ZNF587B: variants seen among roughly 807,000 people sequenced by gnomAD.
ZNF587B encodes zinc finger protein 587B.
ZNF587B carries 6 observed loss-of-function variants against 7.2 expected under a neutral mutation model. That is an observed-to-expected ratio of 0.83 (90% CI 0.46 to 1.65). The LOEUF (loss-of-function observed/expected upper bound fraction) is 1.65. ZNF587B is among the 40% of genes most tolerant of loss of function. The pLI is 0.01. For synonymous variants in ZNF587B, 274 were observed against 254.3 expected (o/e 1.08, Z -0.74); for missense variants, 749 against 761.0 (o/e 0.98, Z 0.19).
In ZNF587B at chr19:57,845,094, A is replaced by G. The variant is rs1334674697; in HGVS notation, c.*2518A>G. The G allele has an allele frequency of 6.6e-6, 1 of 151,726 alleles. No individual in the cohort carries two copies. Among genetic ancestry groups the G allele is most frequent in the East Asian group, 1.9e-4 (1 of 5,174 alleles). 9.4% of individuals were successfully genotyped at this position (151,726 alleles called of 1,614,324 possible). On this transcript the variant is annotated 3_prime_UTR_variant, in exon 3 of 3. Transcript: ENST00000594901. ...TGGGTTCAAGCGATTCTCCCACCTC[A>G]GTCACCCAAGTAGCTAGAATTACAG...
rs1988877065 is a variant in ZNF587B at position 57,841,955 on chromosome 19, T to A, written c.1281T>A (p.Ser427Arg). The A allele has an allele frequency of 1.9e-6, 3 of 1,611,950 alleles. No homozygotes were observed. In the African/African-American group the frequency reaches 4.0e-5, roughly 22 times the overall value. ...KSFNEKGHLR[S>R]HQRVHTTERP... ...TTAATGAAAAAGGACACCTTAGGAG[T>A]CATCAGCGAGTTCACACTACAGAAA... The change falls in exon 3 of 3, where the codon AGT becomes AGA. Residue 427 changes from serine (S) to arginine (R), a missense_variant. Transcript: ENST00000594901.
chr19:57,831,211 G>C (rs141872733), intron 1 of ZNF587B, among the ~76,000 whole-genome samples: 9,016 of 152,166 alleles, frequency 0.059, 365 homozygotes, highest in Non-Finnish European at 0.085. Flanking sequence ...GAGTCTGTCT[G>C]GCTCTCTTAT....
rs1178538642 is a variant in ZNF587B, at chr19:57,843,792, G to C, written c.*1216G>C. Reference sequence around the variant, plus strand: ...AATTTTTGTACTTTTAGTAGAGATGGGGTTTCACTATGTTGGTCAAACTGA... The same window carrying C: ...AATTTTTGTACTTTTAGTAGAGATGCGGTTTCACTATGTTGGTCAAACTGA... On this transcript the variant is annotated 3_prime_UTR_variant, in exon 3 of 3. Coordinates refer to ENST00000594901, the MANE Select transcript of ZNF587B (RefSeq NM_001376223.1). Among the ~76,000 whole-genome samples, 3 of 151,586 alleles carry C rather than the reference G, an allele frequency of 2.0e-5. No individual in the cohort carries two copies. The highest frequency in any genetic ancestry group is 1.5e-5 in the Non-Finnish European group (1 of 67,904).
Position 57,830,506 on chromosome 19 carries a change from C to A in ZNF587B, c.-23C>A, listed in dbSNP as rs764634383. On this transcript the variant is annotated 5_prime_UTR_variant, in exon 1 of 3. Coordinates refer to ENST00000594901, the MANE Select transcript of ZNF587B (RefSeq NM_001376223.1). Reference sequence around the variant, plus strand: ...TGGCTGGTCACCCTCTCCTCCCAACCCTGCTTTAAACCACGTGGTTCGATG... The same window carrying A: ...TGGCTGGTCACCCTCTCCTCCCAACACTGCTTTAAACCACGTGGTTCGATG... The A allele has an allele frequency of 6.5e-7, 1 of 1,548,962 alleles. No individual in the cohort carries two copies. Among genetic ancestry groups the A allele is most frequent in the African/African-American group, 1.4e-5 (1 of 73,158 alleles).
chr19:57,842,347 C>A lies in ZNF587B; in HGVS notation c.1673C>A (p.Ser558Tyr). 6.2e-7 allele frequency: 1 copy of A among 1,607,036 alleles called. No homozygotes were observed. Among genetic ancestry groups the A allele is most frequent in the East Asian group, 2.2e-5 (1 of 44,842 alleles). ...KPYECSECGK[S>Y]FAASSYLTSH... ...TATGAGTGCAGTGAATGTGGGAAAT[C>A]TTTTGCTGCAAGCTCCTATCTCACT... The change falls in exon 3 of 3, where the codon TCT becomes TAT. Residue 558 changes from serine (S) to tyrosine (Y), a missense_variant. Physicochemically the swap from Ser to Tyr is moderately radical, Grantham distance 144 (BLOSUM62 -2). Coordinates refer to ENST00000594901, the MANE Select transcript of ZNF587B (RefSeq NM_001376223.1).
intron 1 of ZNF587B, among the ~76,000 whole-genome samples, chr19:57,835,992 C>T (rs1296323788): frequency 6.6e-6 from 1 of 151,606 alleles, no homozygotes; most frequent in African/African-American, 2.4e-5. Flanking sequence ...TTGCCTGGGT[C>T]CCTGGCGGAC....
rs1051922820 is a variant in ZNF587B, at chr19:57,830,714, C to T, written c.36+150C>T. The T allele has an allele frequency of 7.3e-6, 6 of 822,984 alleles. No homozygotes were observed. The African/African-American group carries it at 1.1e-4, about 15-fold the overall frequency. 51.0% of individuals were successfully genotyped at this position (822,984 alleles called of 1,614,324 possible). On this transcript the variant is annotated intron_variant, in intron 1 of 2. Transcript: ENST00000594901. ...TGACTGTCAGGACAGCCCTTTTGAG[C>T]TGCTGAAGGCCTAATCTTTTATAGT... is the stretch of plus-strand genomic sequence containing the variant.
intron 1 of ZNF587B, among the ~76,000 whole-genome samples, chr19:57,831,691 G>A (rs536164937): frequency 6.6e-6 from 1 of 151,184 alleles, no homozygotes. Context: ...ACCGAGCCCA[G>A]CTTATTTTAT....
chr19:57,843,712 C>T lies in ZNF587B; in HGVS notation c.*1136C>T. The T allele has an allele frequency of 2.5e-6, 1 of 400,986 alleles. No homozygotes were observed. The highest frequency in any genetic ancestry group is 2.3e-5 in the African/African-American group (1 of 44,204). 24.8% of individuals were successfully genotyped at this position (400,986 alleles called of 1,614,324 possible). On this transcript the variant is annotated 3_prime_UTR_variant, in exon 3 of 3. Transcript: ENST00000594901. ...TGCCTCCTGAGTTCAAGCAATTCTC[C>T]TTTCTCAGCCTCCTGAGTAGCTGGG... is the stretch of plus-strand genomic sequence containing the variant.
chr19:57,837,749 G>GT (rs1162289998), intron 1 of ZNF587B, among the ~76,000 whole-genome samples: 2 of 151,554 alleles, frequency 1.3e-5, no homozygotes, highest in Non-Finnish European at 2.9e-5. Context: ...CCCCGGCCTA[G>GT]TTTTTTTGTA....
Position 57,843,587 on chromosome 19 carries a change from G to GTTTTTTTTTTTTTTTT in ZNF587B, c.*1013_*1014insTTTTTTTTTTTTTTTT, listed in dbSNP as rs1324065807. The GTTTTTTTTTTTTTTTT allele has an allele frequency of 2.2e-4, 164 of 759,772 alleles. 14 individuals are homozygous for GTTTTTTTTTTTTTTTT. The highest frequency in any genetic ancestry group is 7.2e-4 in the African/African-American group (20 of 27,742). The allele number at this position is 759,772 out of a possible 1,614,324, so 47.1% of individuals were successfully genotyped here. ...GTTTGGTTGGTTGGTTGGTTGGTTG[G>GTTTTTTTTTTTTTTTT]TTGTTTTTTTTTGTTTTTTTTTTTT... On this transcript the variant is annotated 3_prime_UTR_variant, in exon 3 of 3. Coordinates refer to ENST00000594901, the MANE Select transcript of ZNF587B (RefSeq NM_001376223.1).
chr19:57,843,291 C>T lies in ZNF587B; in HGVS notation c.*715C>T, dbSNP rs1489860144. The T allele has an allele frequency of 5.1e-6, 5 of 985,320 alleles. No individual in the cohort carries two copies. The highest frequency in any genetic ancestry group is 6.0e-6 in the Non-Finnish European group (5 of 829,874). 61.0% of individuals were successfully genotyped at this position (985,320 alleles called of 1,614,324 possible). The stretch of plus-strand genomic sequence containing the variant: ...GTAGGTTTGAGTCACTGTGCTCAGC[C>T]AATTATGTTTTTCTGTGTAACATGG... On this transcript the variant is annotated 3_prime_UTR_variant, in exon 3 of 3. Coordinates refer to ENST00000594901, the MANE Select transcript of ZNF587B (RefSeq NM_001376223.1).
rs1464393617 is a variant in ZNF587B, at chr19:57,830,511, T to C, written c.-18T>C. 29 of 1,549,108 alleles carry C rather than the reference T, an allele frequency of 1.9e-5. No homozygotes were observed. The highest frequency in any genetic ancestry group is 2.5e-5 in the Non-Finnish European group (29 of 1,147,018). On this transcript the variant is annotated 5_prime_UTR_variant, in exon 1 of 3. Coordinates refer to ENST00000594901, the MANE Select transcript of ZNF587B (RefSeq NM_001376223.1). ...GGTCACCCTCTCCTCCCAACCCTGCTTTAAACCACGTGGTTCGATGGCGGT... is the reference window on the plus strand; with the variant it reads ...GGTCACCCTCTCCTCCCAACCCTGCCTTAAACCACGTGGTTCGATGGCGGT...
In ZNF587B at chr19:57,841,651, A is replaced by G. The variant is rs532430416; in HGVS notation, c.977A>G (p.Tyr326Cys). ...AAAGTTCACGCTGGAAAAGGGCCTT[A>G]TGAGTGTGGAGAATGTGGGAAATCT... ...HQKVHAGKGP[Y>C]ECGECGKSFS... Residue 326 changes from tyrosine to cysteine, a missense_variant, in exon 3 of 3, where the codon TAT becomes TGT. This residue lies in a region of ZNF587B where 656 missense variants were observed against 596.5 expected (regional missense o/e 1.10). Transcript: ENST00000594901. 4 of 1,602,322 alleles carry G rather than the reference A, an allele frequency of 2.5e-6. No individual in the cohort carries two copies. The highest frequency in any genetic ancestry group is 2.2e-5 in the South Asian group (2 of 89,820).
chr19:57,830,518 C>T lies in ZNF587B; in HGVS notation c.-11C>T. ...CTCTCCTCCCAACCCTGCTTTAAACCACGTGGTTCGATGGCGGTGGTGGCC... is the reference window on the plus strand; with the variant it reads ...CTCTCCTCCCAACCCTGCTTTAAACTACGTGGTTCGATGGCGGTGGTGGCC... On this transcript the variant is annotated 5_prime_UTR_variant, in exon 1 of 3. Transcript: ENST00000594901. 1 of 1,549,398 alleles carries T rather than the reference C, an allele frequency of 6.5e-7. No homozygotes were observed. Among genetic ancestry groups the T allele is most frequent in the Non-Finnish European group, 8.7e-7 (1 of 1,147,028 alleles).
Position 57,831,708 on chromosome 19 carries a change from ATTTT to A in ZNF587B, c.36+1155_36+1158del, listed in dbSNP as rs61217870. 5.1e-5 allele frequency among the ~76,000 whole-genome samples: 7 copies of A among 138,062 alleles called. 1 individual carries two copies. In the East Asian group the frequency reaches 8.3e-4, roughly 16 times the overall value. The allele number at this position is 138,062 out of a possible 152,430, so 90.6% of individuals were successfully genotyped here. A position where few individuals can be genotyped will look rare whatever the true frequency, so the allele number is the denominator to read the frequency against. On this transcript the variant is annotated intron_variant, in intron 1 of 2. Transcript: ENST00000594901. The stretch of plus-strand genomic sequence containing the variant: ...CGAGCCCAGCTTATTTTATTTATTT[ATTTT>A]TTTTTTTTTTGAGACAGAGTCTCAG...
At chr19:57,836,838 C>T (rs1245651059) in intron 1 of ZNF587B, among the ~76,000 whole-genome samples, 2 of 151,796 alleles carry the variant, frequency 1.3e-5, no homozygotes, top group Admixed American at 1.3e-4. Flanking sequence ...GTGGTACACT[C>T]ATGTAATCCC....
chr19:57,831,234 C>T (rs926365474), intron 1 of ZNF587B, among the ~76,000 whole-genome samples: 1 of 151,924 alleles, frequency 6.6e-6, no homozygotes, highest in Non-Finnish European at 1.5e-5. Context: ...AAGGGAGAGT[C>T]AATTCAGGTG....
chr19:57,844,180 A>C lies in ZNF587B; in HGVS notation c.*1604A>C, dbSNP rs1988985785. ...CATGGACCTTCCCCATTTTTGTCCC[A>C]GAGGACTCTTGTGCTGACTTGAAAA... is the stretch of plus-strand genomic sequence containing the variant. On this transcript the variant is annotated 3_prime_UTR_variant, in exon 3 of 3. Coordinates refer to ENST00000594901, the MANE Select transcript of ZNF587B (RefSeq NM_001376223.1). The C allele has an allele frequency of 2.5e-6, 1 of 396,668 alleles. No individual in the cohort carries two copies. Among genetic ancestry groups the C allele is most frequent in the Non-Finnish European group, 4.9e-6 (1 of 203,438 alleles). The allele number at this position is 396,668 out of a possible 1,614,324, so 24.6% of individuals were successfully genotyped here. A position where few individuals can be genotyped will look rare whatever the true frequency, so the allele number is the denominator to read the frequency against.
Sources: gnomAD v4.1 joint callset for allele counts (sites outside exome capture counted in the v4.1 genomes callset) on GRCh38, gnomAD v4.1.1 for gene constraint, gnomAD v4.1.1 regional missense constraint, MANE v1.5 for transcripts, NCBI Gene and HGNC (gene_info 2026-07-23, HGNC 2026-07-21) for gene names.